Variants in SVOP observed in about 807,000 individuals in gnomAD.
SVOP encodes synaptic vesicle 2-related protein.
In SVOP, 17 loss-of-function variants were observed where a neutral mutation model predicts 69.1. The observed-to-expected ratio is 0.25, with a 90% CI of 0.17 to 0.37. The LOEUF (loss-of-function observed/expected upper bound fraction) is 0.37. Among genes scored for constraint, SVOP ranks in the 10% least tolerant of loss-of-function variants. The pLI is 1.00. For missense variants in SVOP, 435 were observed against 597.5 expected (o/e 0.73, Z 2.84); for synonymous variants, 238 against 238.6 (o/e 1.00, Z 0.02).
At chr12:108,919,242 C>T (rs537088778) in intron 13 of SVOP, among the ~76,000 whole-genome samples, 67 of 150,506 alleles carry the variant, frequency 4.5e-4, no homozygotes, top group African/African-American at 1.6e-3. Flanking sequence ...ACACCTGTAC[C>T]TACACTTGAG....
chr12:108,987,776 G>T (rs561124540), intron 1 of SVOP, among the ~76,000 whole-genome samples: 1 of 152,182 alleles, frequency 6.6e-6, no homozygotes, highest in Non-Finnish European at 1.5e-5. Flanking sequence ...TTAAACTTGG[G>T]TTGTTTGACT....
chr12:109,020,724 CT>C, intron 1 of SVOP, 109 bp downstream of exon 1: 1 of 534,370 alleles, frequency 1.9e-6, no homozygotes, highest in Non-Finnish European at 3.5e-6. Flanking sequence ...AAACAGTTCC[CT>C]TTAAATTCAA....
At chr12:108,998,086 C>T (rs931139112) in intron 1 of SVOP, among the ~76,000 whole-genome samples, 7 of 151,912 alleles carry the variant, frequency 4.6e-5, no homozygotes, top group Non-Finnish European at 8.8e-5. Flanking sequence ...GAACGTATAA[C>T]TAGAATAACC....
At chr12:108,922,837 A>C (rs957405301) in intron 11 of SVOP, 40 bp from the exon 12 acceptor site, 68 of 1,426,890 alleles carry the variant, frequency 4.8e-5, no homozygotes, top group Non-Finnish European at 6.2e-5. Context: ...AGACATATAC[A>C]GAGTCTTGAA....
At chr12:108,915,063 C>T (rs1489541853) in intron 15 of SVOP, among the ~76,000 whole-genome samples, 2 of 150,948 alleles carry the variant, frequency 1.3e-5, no homozygotes, top group Non-Finnish European at 2.9e-5. Flanking sequence ...ATCCCAGCTA[C>T]TCGGGAGGCT....
intron 1 of SVOP, among the ~76,000 whole-genome samples, chr12:108,987,121 T>C (rs1051755075): frequency 2.0e-5 from 3 of 152,236 alleles, no homozygotes; most frequent in African/African-American, 7.2e-5. Flanking sequence ...TATTCAGCCC[T>C]GACGAGCACC....
intron 7 of SVOP, among the ~76,000 whole-genome samples, chr12:108,943,806 TCTCCTCCTCCTCCTGCTCCTC>T (rs1184884550): frequency 6.7e-6 from 1 of 150,218 alleles, no homozygotes; most frequent in Non-Finnish European, 1.5e-5. Context: ...TTCTTCTCTT[TCTCCTCCTCCTCCTGCTCCTC>T]CTCCTCCTCC....
chr12:108,980,560 C>A (rs1238760928), intron 2 of SVOP, among the ~76,000 whole-genome samples: 1 of 151,680 alleles, frequency 6.6e-6, no homozygotes, highest in Non-Finnish European at 1.5e-5. Context: ...ACCATCCTGG[C>A]CAACATGGTG....
At chr12:108,915,244 T>G (rs929660513) in intron 15 of SVOP, among the ~76,000 whole-genome samples, 1 of 151,822 alleles carries the variant, frequency 6.6e-6, no homozygotes, top group Non-Finnish European at 1.5e-5. Context: ...CACAGATATA[T>G]TGCATGATGC....
intron 10 of SVOP, among the ~76,000 whole-genome samples, chr12:108,936,111 T>C (rs954015470): frequency 1.3e-5 from 2 of 151,810 alleles, no homozygotes; most frequent in Non-Finnish European, 2.9e-5. Context: ...AGGGGAGCAA[T>C]GTCGGCTCAC....
chr12:108,947,045 C>T (rs1256641356), intron 6 of SVOP, among the ~76,000 whole-genome samples: 1 of 152,124 alleles, frequency 6.6e-6, no homozygotes, highest in Non-Finnish European at 1.5e-5. Flanking sequence ...TTTTGATGCT[C>T]AGACTGTCCC....
intron 2 of SVOP, among the ~76,000 whole-genome samples, chr12:108,980,230 C>A (rs1459453064): frequency 6.6e-6 from 1 of 151,966 alleles, no homozygotes; most frequent in East Asian, 1.9e-4. Flanking sequence ...ACACTAAACC[C>A]AATATGTTAT....
intron 6 of SVOP, among the ~76,000 whole-genome samples, chr12:108,954,624 T>C (rs988007965): frequency 6.6e-6 from 1 of 152,186 alleles, no homozygotes; most frequent in African/African-American, 2.4e-5. Flanking sequence ...TTTTCTCTGT[T>C]CCAGCTACTC....
At chr12:108,956,301 C>CAAA (rs36126786) in intron 6 of SVOP, among the ~76,000 whole-genome samples, 14 of 138,090 alleles carry the variant, frequency 1.0e-4, no homozygotes, top group African/African-American at 3.0e-4. Flanking sequence ...GATTCCGTCT[C>CAAA]AAAAAAAAAA....
At chr12:108,965,617 A>G (rs1019116549) in intron 5 of SVOP, among the ~76,000 whole-genome samples, 1 of 146,148 alleles carries the variant, frequency 6.8e-6, no homozygotes, top group African/African-American at 2.5e-5. Flanking sequence ...AAATCCTATA[A>G]AACATTGTGC....
intron 1 of SVOP, among the ~76,000 whole-genome samples, chr12:109,007,022 T>TGGAG (rs1373575319): frequency 6.5e-4 from 99 of 151,776 alleles, no homozygotes; most frequent in African/African-American, 2.3e-3. Flanking sequence ...GTTGGAGAGG[T>TGGAG]GGAGGGCTGA....
intron 1 of SVOP, among the ~76,000 whole-genome samples, chr12:108,998,742 T>C (rs2040250877): frequency 6.7e-6 from 1 of 150,222 alleles, no homozygotes; most frequent in South Asian, 2.1e-4. Flanking sequence ...AATAAAATAC[T>C]TTACAGACAA....
chr12:108,939,002 A>T lies in SVOP; in HGVS notation c.769-47T>A, dbSNP rs765795633. On this transcript the variant is annotated intron_variant, in intron 8 of 15. Transcript: ENST00000610966. ...ACCCAGGCGTGGCTGGTTAGGGTGG[A>T]ACAGAGCACTCGCTTCTAGCCACAC... 1.8e-5 allele frequency: 29 copies of T among 1,612,958 alleles called. No homozygotes were observed. The Middle Eastern group carries it at 5.0e-4, about 28-fold the overall frequency.
At chr12:108,961,338 T>C (rs1006234220) in intron 5 of SVOP, among the ~76,000 whole-genome samples, 1 of 151,890 alleles carries the variant, frequency 6.6e-6, no homozygotes, top group Non-Finnish European at 1.5e-5. Flanking sequence ...TCATACCATC[T>C]CAAATGTTCT....
Sources: allele counts gnomAD v4.1 joint callset (sites outside exome capture counted in the v4.1 genomes callset), GRCh38; gene constraint gnomAD v4.1.1; transcripts MANE v1.5; gene names NCBI Gene and HGNC (gene_info 2026-07-23, HGNC 2026-07-21).